Variants in PAH observed in about 807,000 individuals in gnomAD.
PAH encodes phenylalanine-4-hydroxylase.
In PAH, 64 loss-of-function variants were observed where a neutral mutation model predicts 62.0. The ratio of observed to expected loss-of-function variants is 1.03; its 90% CI spans 0.84 to 1.27. The LOEUF (loss-of-function observed/expected upper bound fraction) is 1.27. PAH is among the 50% of genes most tolerant of loss of function. PAH has a pLI of 0.00. For synonymous variants in PAH, 195 were observed against 196.2 expected, an observed-to-expected ratio of 0.99 and a Z score of 0.05; for missense variants, 579 against 542.8, an observed-to-expected ratio of 1.07 and a Z score of -0.66.
At chr12:102,896,211 T>C (rs1877497266) in intron 2 of PAH, among the ~76,000 whole-genome samples, 1 of 151,986 alleles carries the variant, frequency 6.6e-6, no homozygotes. Context: ...GATGGCAAGA[T>C]TTATGTACAG....
intron 2 of PAH, 28 bp downstream of exon 2, chr12:102,912,763 C>T: frequency 1.4e-6 from 2 of 1,444,464 alleles, no homozygotes; most frequent in Admixed American, 3.3e-5. Flanking sequence ...ACGACATTAT[C>T]CAAGACAAAC....
intron 1 of PAH, among the ~76,000 whole-genome samples, chr12:102,942,052 G>A (rs117470882): frequency 0.038 from 5,763 of 152,074 alleles, 213 homozygotes; most frequent in Admixed American, 0.12. Flanking sequence ...ATTCAACATC[G>A]TACTAGAAGT....
chr12:102,924,157 A>G (rs962248957), intron 1 of PAH, among the ~76,000 whole-genome samples: 3 of 152,222 alleles, frequency 2.0e-5, no homozygotes, highest in African/African-American at 7.2e-5. Flanking sequence ...ACACATCTCT[A>G]GTGAAATTCT....
chr12:102,912,817 A>G lies in PAH; in HGVS notation c.142T>C (p.Leu48=), dbSNP rs547150887. 2 of 1,613,418 alleles carry G rather than the reference A, an allele frequency of 1.2e-6. No individual in the cohort carries two copies. The highest frequency in any genetic ancestry group is 1.3e-5 in the African/African-American group (1 of 75,030). The change falls in exon 2 of 13, where the codon TTG becomes CTG. Residue 48 remains leucine, a synonymous_variant. Coordinates refer to ENST00000553106, the MANE Select transcript of PAH (RefSeq NM_000277.3). ...TCAAATAAGCGCAATACTTTGGCCAATGCACCAACTTCTTCTTTGAGTGAG... is the reference window on the plus strand; with the variant it reads ...TCAAATAAGCGCAATACTTTGGCCAGTGCACCAACTTCTTCTTTGAGTGAG... The part of the protein sequence containing the change: ...IFSLKEEVGA[L]AKVLRLFEEN...
At chr12:102,926,966 G>A (rs1878700389) in intron 1 of PAH, among the ~76,000 whole-genome samples, 1 of 148,198 alleles carries the variant, frequency 6.7e-6, no homozygotes, top group Admixed American at 6.8e-5. Flanking sequence ...GTTTGTTTGG[G>A]TGGGTGGGTT....
chr12:102,879,905 A>G (rs1396127412), intron 3 of PAH, among the ~76,000 whole-genome samples: 1 of 152,242 alleles, frequency 6.6e-6, no homozygotes, highest in Admixed American at 6.5e-5. Flanking sequence ...CAGCAAGAAC[A>G]GAGGCAGATG....
At chr12:102,884,207 C>T (rs575490704) in intron 3 of PAH, among the ~76,000 whole-genome samples, 1 of 152,316 alleles carries the variant, frequency 6.6e-6, no homozygotes, top group East Asian at 1.9e-4. Context: ...GAGAAATTCA[C>T]CAGCTGTCAT....
intron 4 of PAH, among the ~76,000 whole-genome samples, chr12:102,868,046 ATATG>A (rs2136666110): frequency 1.7e-5 from 2 of 118,956 alleles, no homozygotes; most frequent in South Asian, 3.0e-4. Flanking sequence ...ACACCTATAT[ATATG>A]TATATATATA....
In PAH at chr12:102,882,122, A is replaced by C. The variant is rs543578548; in HGVS notation, c.353-4572T>G. 3.9e-5 allele frequency among the ~76,000 whole-genome samples: 6 copies of C among 152,296 alleles called. No individual in the cohort carries two copies. In the South Asian group the frequency reaches 1.2e-3, roughly 32 times the overall value. On this transcript the variant is annotated intron_variant, in intron 3 of 12. Transcript: ENST00000553106. ...CTTCTCCGCATCCTTGCCAACTCTT[A>C]CCTCTTGTCCTTTTGATGTTAAAGA... is the stretch of plus-strand genomic sequence containing the variant.
intron 4 of PAH, among the ~76,000 whole-genome samples, chr12:102,867,560 G>A (rs978060597): frequency 6.6e-5 from 10 of 152,094 alleles, no homozygotes; most frequent in Non-Finnish European, 1.3e-4. Context: ...TATCATTTCC[G>A]TAGAACTCTG....
chr12:102,845,172 G>A (rs1220566956), intron 9 of PAH, among the ~76,000 whole-genome samples: 1 of 152,202 alleles, frequency 6.6e-6, no homozygotes, highest in African/African-American at 2.4e-5. Flanking sequence ...TCACGTCTCT[G>A]TGTCCTGTGT....
intron 6 of PAH, among the ~76,000 whole-genome samples, chr12:102,853,688 C>T (rs560722586): frequency 2.0e-4 from 31 of 152,342 alleles, no homozygotes; most frequent in African/African-American, 7.2e-4. Flanking sequence ...CCTCTGATCA[C>T]CATCTCTATG....
intron 2 of PAH, among the ~76,000 whole-genome samples, chr12:102,903,490 C>A (rs769635143): frequency 1.1e-4 from 16 of 152,030 alleles, no homozygotes; most frequent in Admixed American, 2.0e-4. Context: ...CTGATGAGGT[C>A]ATTGATCTCT....
At chr12:102,923,360 A>G (rs1428548878) in intron 1 of PAH, among the ~76,000 whole-genome samples, 4 of 152,266 alleles carry the variant, frequency 2.6e-5, no homozygotes, top group Non-Finnish European at 4.4e-5. Flanking sequence ...TGGTTTCAGC[A>G]TAACACGTTA....
chr12:102,942,385 G>A (rs149485442), intron 1 of PAH, among the ~76,000 whole-genome samples: 3,244 of 152,152 alleles, frequency 0.021, 128 homozygotes, highest in African/African-American at 0.075. Context: ...TCTCTACAAT[G>A]AGAATTACAA....
intron 1 of PAH, among the ~76,000 whole-genome samples, chr12:102,938,186 G>C (rs186175211): frequency 7.4e-4 from 113 of 152,284 alleles, no homozygotes; most frequent in African/African-American, 2.5e-3. Flanking sequence ...GGATTGGCAT[G>C]GAAGCAAGGG....
intron 3 of PAH, among the ~76,000 whole-genome samples, chr12:102,880,173 G>A (rs115818516): frequency 0.02 from 3,008 of 152,120 alleles, 103 homozygotes; most frequent in African/African-American, 0.066. Flanking sequence ...GGTGAGGAAC[G>A]TGGCTTCCCG....
intron 2 of PAH, among the ~76,000 whole-genome samples, chr12:102,901,528 C>T (rs150319146): frequency 2.8e-4 from 42 of 152,290 alleles, no homozygotes; most frequent in African/African-American, 7.2e-4. Flanking sequence ...AGATGGAGCA[C>T]ATCACATTTT....
At position 102,843,671 on chromosome 12, in the gene PAH, A is replaced by T. The variant is rs180819807; in HGVS notation, c.1174T>A (p.Phe392Ile). The change falls in exon 11 of 13, where the codon TTT becomes ATT. Residue 392 changes from phenylalanine (F) to isoleucine (I), a missense_variant. Phe to Ile is a conservative substitution (Grantham distance 21). Coordinates refer to ENST00000553106, the MANE Select transcript of PAH (RefSeq NM_000277.3). ...CTTACTTTCTCCTTGGCATCATTAA[A>T]ACTCTCTGCCACGTAATAGAGGGGC... is the stretch of plus-strand genomic sequence containing the variant. Reference protein sequence around the residue: ...FQPLYYVAESFNDAKEKVRNF... With the variant: ...FQPLYYVAESINDAKEKVRNF... The T allele has an allele frequency of 9.3e-6, 15 of 1,613,388 alleles. No homozygotes were observed. In the East Asian group the frequency reaches 3.3e-4, roughly 36 times the overall value.
Sources: allele counts gnomAD v4.1 joint callset (sites outside exome capture counted in the v4.1 genomes callset), GRCh38; gene constraint gnomAD v4.1.1; transcripts MANE v1.5; gene names NCBI Gene and HGNC (gene_info 2026-07-23, HGNC 2026-07-21).